The following TSPAN1 variants were observed in gnomAD, a reference collection of about 807,000 sequenced individuals.
TSPAN1 encodes tetraspanin-1.
In TSPAN1, 23 loss-of-function variants were observed where a neutral mutation model predicts 26.9. The observed-to-expected ratio is 0.85, with a 90% CI of 0.62 to 1.21. TSPAN1 has a LOEUF of 1.21. TSPAN1 is among the 50% of genes most tolerant of loss of function. TSPAN1 has a pLI of 0.00. For synonymous variants in TSPAN1, 115 were observed against 114.8 expected, an observed-to-expected ratio of 1.00 and a Z score of -0.01; for missense variants, 283 against 298.4, an observed-to-expected ratio of 0.95 and a Z score of 0.38.
At chr1:46,177,351 ATATCTATCTATCTATC>A (rs71062742) in intron 1 of TSPAN1, among the ~76,000 whole-genome samples, 2 of 147,678 alleles carry the variant, frequency 1.4e-5, no homozygotes, top group African/African-American at 2.5e-5. Flanking sequence ...AAAAAAAAAT[ATATCTATCTATCTATC>A]TATCTATCTA....
At chr1:46,183,922 G>T in intron 3 of TSPAN1, 1 of 530,624 alleles carries the variant, frequency 1.9e-6, no homozygotes, top group Non-Finnish European at 3.4e-6. Context: ...GTGAGGGAAA[G>T]TCTTGCCCCT....
rs1031789413 is a variant in TSPAN1, at chr1:46,181,279, G to A, written c.57+115G>A. ...TATGCCCAGGCTTCGTCCTGCATGT[G>A]TCCCCTTATGAGTGGGATGCAAAGG... On this transcript the variant is annotated intron_variant, in intron 3 of 8. Transcript: ENST00000372003. 8.8e-6 allele frequency: 9 copies of A among 1,020,920 alleles called. No homozygotes were observed. The South Asian group carries it at 1.2e-4, about 14-fold the overall frequency. The allele number at this position is 1,020,920 out of a possible 1,614,324, so 63.2% of individuals were successfully genotyped here.
chr1:46,189,122 T>G (rs956330556), downstream of TSPAN1: 1 of 1,492,404 alleles, frequency 6.7e-7, no homozygotes. Context: ...AGGGGAACCC[T>G]CCCCTTGGAG....
At chr1:46,189,685 T>G (rs17102064), downstream of TSPAN1, 6,496 of 1,545,606 alleles carry the variant, frequency 4.2e-3, 184 homozygotes, top group African/African-American at 0.066. Flanking sequence ...TTGTAAGAGA[T>G]AGCATCTTTT....
At chr1:46,188,166 CCAGA>C (rs1657479317), downstream of TSPAN1, among the ~76,000 whole-genome samples, 1 of 152,110 alleles carries the variant, frequency 6.6e-6, no homozygotes, top group African/African-American at 2.4e-5. Flanking sequence ...ACAAAAATGC[CCAGA>C]TAGAGAATTC....
At chr1:46,190,710 C>T, downstream of TSPAN1, 1 of 1,611,538 alleles carries the variant, frequency 6.2e-7, no homozygotes, top group Non-Finnish European at 8.5e-7. Context: ...GCCCTGCTGC[C>T]AGCCCCAACC....
At chr1:46,187,259 C>T (rs111725986), downstream of TSPAN1, among the ~76,000 whole-genome samples, 1,442 of 152,270 alleles carry the variant, frequency 9.5e-3, 28 homozygotes, top group African/African-American at 0.032. Flanking sequence ...CTGGTGTAGT[C>T]CTGGCTGACA....
At chr1:46,184,913 G>C (rs899024308) in intron 6 of TSPAN1, 30 bp downstream of exon 6, 1 of 1,614,074 alleles carries the variant, frequency 6.2e-7, no homozygotes, top group Admixed American at 1.7e-5. Flanking sequence ...GTTTTAGGGT[G>C]GAGAGAAAGA....
intron 3 of TSPAN1, chr1:46,183,987 G>A (rs1215407954): frequency 1.6e-6 from 1 of 612,036 alleles, no homozygotes; most frequent in Non-Finnish European, 2.9e-6. Context: ...ATCTGCCCAG[G>A]TGTGCAGCCT....
the TSPAN1 span, chr1:46,194,221 C>T: frequency 1.2e-6 from 2 of 1,614,014 alleles, no homozygotes; most frequent in South Asian, 2.2e-5. Context: ...CCTGGGGCCC[C>T]CCTGCTGAGC....
At chr1:46,179,160 A>T (rs1657252283) in intron 1 of TSPAN1, among the ~76,000 whole-genome samples, 1 of 136,478 alleles carries the variant, frequency 7.3e-6, no homozygotes, top group South Asian at 2.2e-4. Context: ...TCATCTGTTT[A>T]AAAAAAAAAA....
At chr1:46,192,638 T>C in the TSPAN1 span, 1 of 1,609,904 alleles carries the variant, frequency 6.2e-7, no homozygotes, top group Non-Finnish European at 8.5e-7. Flanking sequence ...AGGATAAATC[T>C]AGTCACACAG....
At chr1:46,192,453 A>C in the TSPAN1 span, 1 of 1,614,164 alleles carries the variant, frequency 6.2e-7, no homozygotes. Flanking sequence ...ACAGGGTGCC[A>C]TAGTGGGAGG....
intron 3 of TSPAN1, among the ~76,000 whole-genome samples, chr1:46,182,700 T>C (rs1050101380): frequency 1.3e-5 from 2 of 152,078 alleles, no homozygotes; most frequent in African/African-American, 4.8e-5. Flanking sequence ...ACAGAGTTTA[T>C]GTATGTATTG....
the TSPAN1 span, chr1:46,193,816 T>A: frequency 6.2e-7 from 1 of 1,612,476 alleles, no homozygotes; most frequent in Non-Finnish European, 8.5e-7. Flanking sequence ...CTAAGCACCC[T>A]CCTGTTCAGT....
chr1:46,188,501 G>A (rs754919757), downstream of TSPAN1, among the ~76,000 whole-genome samples: 16 of 152,198 alleles, frequency 1.1e-4, no homozygotes, highest in Admixed American at 5.2e-4. Context: ...CTGTCCTAGG[G>A]TAGAGTTGGG....
chr1:46,178,306 A>C (rs1419352379), intron 1 of TSPAN1, among the ~76,000 whole-genome samples: 5 of 151,898 alleles, frequency 3.3e-5, no homozygotes, highest in Non-Finnish European at 5.9e-5. Flanking sequence ...GCAGTGAGCC[A>C]AGATTGCGCC....
At chr1:46,193,243 T>C in the TSPAN1 span, 4 of 1,613,240 alleles carry the variant, frequency 2.5e-6, no homozygotes, top group Admixed American at 3.3e-5. Context: ...ATAGGGCACA[T>C]GAGCTTTAGG....
the TSPAN1 span, chr1:46,193,395 G>A: frequency 5.0e-6 from 8 of 1,611,050 alleles, no homozygotes; most frequent in East Asian, 2.2e-5. Context: ...GTTCCTGGGG[G>A]ACATGGCCAC....
Sources: allele counts gnomAD v4.1 joint callset (sites outside exome capture counted in the v4.1 genomes callset), GRCh38; gene constraint gnomAD v4.1.1; transcripts MANE v1.5; gene names NCBI Gene and HGNC (gene_info 2026-07-23, HGNC 2026-07-21).